Variants in KIAA1217 observed in about 807,000 individuals in gnomAD.
KIAA1217 encodes the protein KIAA1217.
Under a neutral mutation model 163.9 loss-of-function variants are expected in KIAA1217, and 88 were observed. The ratio of observed to expected loss-of-function variants is 0.54; its 90% CI spans 0.45 to 0.64. The LOEUF is 0.64. Among genes scored for constraint, KIAA1217 ranks in the 30% least tolerant of loss-of-function variants. KIAA1217 has a pLI of 0.00. For synonymous variants in KIAA1217, 903 were observed against 923.1 expected (o/e 0.98, Z 0.39); for missense variants, 2,372 against 2,475.0 (o/e 0.96, Z 0.88).
chr10:23,990,614 A>G (rs936743293), intron 1 of KIAA1217, among the ~76,000 whole-genome samples: 14 of 152,066 alleles, frequency 9.2e-5, no homozygotes, highest in African/African-American at 3.4e-4. Flanking sequence ...GAAAGCATGC[A>G]CTTTGTTTTT....
chr10:23,797,655 A>G (rs1160894847), intron 1 of KIAA1217, among the ~76,000 whole-genome samples: 11 of 152,108 alleles, frequency 7.2e-5, no homozygotes, highest in Admixed American at 7.2e-4. Flanking sequence ...AGAGCTAGCA[A>G]AAGGGGAAGT....
intron 1 of KIAA1217, among the ~76,000 whole-genome samples, chr10:23,869,596 C>T (rs981026711): frequency 6.6e-6 from 1 of 152,048 alleles, no homozygotes. Flanking sequence ...AAAGTCCTGA[C>T]GTTTGCAAAC....
chr10:23,931,819 C>G (rs747665879), intron 1 of KIAA1217, among the ~76,000 whole-genome samples: 5 of 152,050 alleles, frequency 3.3e-5, no homozygotes, highest in Non-Finnish European at 5.9e-5. Context: ...TTTACTCAAG[C>G]TGGGAAATTA....
intron 1 of KIAA1217, among the ~76,000 whole-genome samples, chr10:23,785,409 T>C (rs1835446991): frequency 6.6e-6 from 1 of 152,208 alleles, no homozygotes; most frequent in African/African-American, 2.4e-5. Flanking sequence ...GTTATGGGAC[T>C]TGACATAGAG....
rs1017918306 is a variant in KIAA1217 at position 24,543,213 on chromosome 10, G to A, written c.3943G>A (p.Asp1315Asn). Reference sequence around the variant, plus strand: ...AAAGGAGATGGAAAAGCAAAATACGGATAAGTGTCACGTTTCCTCTCACAC... The same window carrying A: ...AAAGGAGATGGAAAAGCAAAATACGAATAAGTGTCACGTTTCCTCTCACAC... ...KTKEMEKQNT[D>N]KCHVSSHTRL... is the part of the protein sequence containing the mutation. The change falls in exon 19 of 21, where the codon GAT becomes AAT. Residue 1315 changes from aspartate (D) to asparagine (N), a missense_variant. Around this residue, in one of 3 missense-constraint regions of KIAA1217, gnomAD observed 251 missense variants for 327.3 expected, o/e 0.77. Transcript: ENST00000376454. 1.5e-5 allele frequency: 24 copies of A among 1,613,468 alleles called. No homozygotes were observed. The highest frequency in any genetic ancestry group is 1.9e-5 in the Non-Finnish European group (22 of 1,179,982).
At chr10:24,445,014 A>T (rs2060806349) in intron 5 of KIAA1217, among the ~76,000 whole-genome samples, 1 of 152,244 alleles carries the variant, frequency 6.6e-6, no homozygotes, top group Non-Finnish European at 1.5e-5. Context: ...ATCTATCAGG[A>T]TATAAATAGT....
intron 6 of KIAA1217, among the ~76,000 whole-genome samples, chr10:24,491,889 T>C (rs1245656575): frequency 1.3e-5 from 2 of 152,166 alleles, no homozygotes; most frequent in Non-Finnish European, 2.9e-5. Context: ...TTTAAGCAAC[T>C]TCCTTACCAA....
intron 2 of KIAA1217, among the ~76,000 whole-genome samples, chr10:24,286,679 C>A (rs1164725793): frequency 3.3e-5 from 5 of 152,156 alleles, no homozygotes; most frequent in Admixed American, 3.3e-4. Flanking sequence ...TAAAAGACTT[C>A]AGAAGTCTTC....
chr10:24,415,256 A>G (rs757340894), intron 3 of KIAA1217, among the ~76,000 whole-genome samples: 8 of 151,810 alleles, frequency 5.3e-5, no homozygotes, highest in Non-Finnish European at 1.2e-4. Flanking sequence ...CTGGGATTAT[A>G]GGCACCTGCC....
At chr10:24,444,098 C>T (rs1022730673) in intron 5 of KIAA1217, among the ~76,000 whole-genome samples, 1 of 152,090 alleles carries the variant, frequency 6.6e-6, no homozygotes, top group African/African-American at 2.4e-5. Flanking sequence ...GCAACCTCTG[C>T]CTCCCGTGTT....
intron 1 of KIAA1217, among the ~76,000 whole-genome samples, chr10:23,812,410 A>G (rs1030253969): frequency 1.3e-5 from 2 of 152,158 alleles, no homozygotes; most frequent in Non-Finnish European, 2.9e-5. Context: ...GGTATCTTTG[A>G]TTGTATTTGG....
chr10:23,902,782 T>TG (rs768189407), intron 1 of KIAA1217, among the ~76,000 whole-genome samples: 7 of 152,260 alleles, frequency 4.6e-5, no homozygotes, highest in Non-Finnish European at 1.0e-4. Context: ...GTCAATATGG[T>TG]GGCTGAACTG....
chr10:23,804,329 G>A (rs1836635098), intron 1 of KIAA1217, among the ~76,000 whole-genome samples: 1 of 152,186 alleles, frequency 6.6e-6, no homozygotes, highest in Non-Finnish European at 1.5e-5. Context: ...GTCTTTCTGA[G>A]CCCTTTGTCA....
chr10:23,991,467 T>C (rs1208832272), intron 1 of KIAA1217, among the ~76,000 whole-genome samples: 2 of 152,170 alleles, frequency 1.3e-5, no homozygotes, highest in Non-Finnish European at 2.9e-5. Flanking sequence ...AATGGATGCA[T>C]GAAGAAGTGA....
At chr10:24,400,976 C>CACACACAA (rs1231413994) in intron 3 of KIAA1217, among the ~76,000 whole-genome samples, 1 of 151,250 alleles carries the variant, frequency 6.6e-6, no homozygotes, top group Admixed American at 6.6e-5. Flanking sequence ...CACACACACA[C>CACACACAA]ACACACACAC....
In KIAA1217 at chr10:24,017,836, A is replaced by T. The variant is rs145273829; in HGVS notation, c.-171+10462A>T. On this transcript the variant is annotated intron_variant, in intron 2 of 18. Transcript: ENST00000376462. ...GGGATTAAAAACAAAGCTTAAAGACATAGCAATGTGGAACAACATACATTG... is the reference window on the plus strand; with the variant it reads ...GGGATTAAAAACAAAGCTTAAAGACTTAGCAATGTGGAACAACATACATTG... Among the ~76,000 whole-genome samples the T allele has an allele frequency of 9.1e-3, 1,391 of 152,240 alleles. 28 individuals carry two copies. The highest frequency in any genetic ancestry group is 0.031 in the African/African-American group (1,289 of 41,566).
rs550511274 is a variant in KIAA1217 at position 24,219,831 on chromosome 10, G to A, written c.276G>A (p.Ala92=). The A allele has an allele frequency of 3.7e-5, 59 of 1,613,764 alleles. No homozygotes were observed. Among genetic ancestry groups the A allele is most frequent in the African/African-American group, 3.5e-4 (26 of 75,032 alleles). The change falls in exon 2 of 21, where the codon GCG becomes GCA. Residue 92 remains alanine, a synonymous_variant. Coordinates refer to ENST00000376454, the MANE Select transcript of KIAA1217 (RefSeq NM_019590.5). ...CTGAGATGGATCGGAAGAGAGAAGCGTTCCTAGAACATCTGAAGCAGAAGT... is the reference window on the plus strand; with the variant it reads ...CTGAGATGGATCGGAAGAGAGAAGCATTCCTAGAACATCTGAAGCAGAAGT... ...QTSEMDRKRE[A]FLEHLKQKYP... is the part of the protein sequence containing the mutation.
chr10:23,774,483 G>A (rs940729272), intron 1 of KIAA1217, among the ~76,000 whole-genome samples: 6 of 152,264 alleles, frequency 3.9e-5, no homozygotes, highest in South Asian at 2.1e-4. Flanking sequence ...GGGGCTTGGC[G>A]CCCTAGAATG....
chr10:24,388,759 A>T (rs1268206962), intron 3 of KIAA1217, among the ~76,000 whole-genome samples: 2 of 152,086 alleles, frequency 1.3e-5, no homozygotes, highest in African/African-American at 2.4e-5. Flanking sequence ...ATGAACAGAC[A>T]CTTCTCAAAA....
Sources: allele counts gnomAD v4.1 joint callset (sites outside exome capture counted in the v4.1 genomes callset), GRCh38; gene constraint gnomAD v4.1.1; regional missense constraint gnomAD v4.1.1; transcripts MANE v1.5; gene names NCBI Gene and HGNC (gene_info 2026-07-23, HGNC 2026-07-21).